Variants in CRBN observed in about 807,000 individuals in gnomAD.
CRBN encodes the protein protein cereblon.
In CRBN, 53 loss-of-function variants were observed where a neutral mutation model predicts 62.2. That is an observed-to-expected ratio of 0.85 (90% CI 0.68 to 1.07). CRBN has a LOEUF of 1.07. Among genes scored for constraint, CRBN ranks in the 50% least tolerant of loss-of-function variants. The pLI, the probability that CRBN is intolerant of heterozygous loss-of-function variation, is 0.00. For missense variants in CRBN, 616 were observed against 531.1 expected (o/e 1.16, Z -1.57); for synonymous variants, 208 against 176.1 (o/e 1.18, Z -1.43).
At chr3:3,174,380 C>T in intron 2 of CRBN, 119 bp from the exon 3 acceptor site, 2 of 830,098 alleles carry the variant, frequency 2.4e-6, no homozygotes, top group Non-Finnish European at 3.9e-6. Context: ...GTGGCTCACA[C>T]CTGTAATTCC....
intron 1 of CRBN, 40 bp downstream of exon 1, chr3:3,179,581 G>C (rs751765409): frequency 2.5e-6 from 4 of 1,595,574 alleles, no homozygotes; most frequent in Middle Eastern, 1.7e-4. Flanking sequence ...TCCGAGCCTC[G>C]CCCCACTCCC....
chr3:3,175,395 G>A, intron 1 of CRBN, 126 bp from the exon 2 acceptor site: 1 of 715,958 alleles, frequency 1.4e-6, no homozygotes, highest in Non-Finnish European at 2.4e-6. Flanking sequence ...ACAGCACCGT[G>A]AAGAGGGAGC....
rs758499422 is a variant in CRBN, at chr3:3,179,573, C to G, written c.67+48G>C. On this transcript the variant is annotated intron_variant, in intron 1 of 10. Coordinates refer to ENST00000231948, the MANE Select transcript of CRBN (RefSeq NM_016302.4). ...GGCCCAGCTGCACCGCTAGCGGCTC[C>G]GAGCCTCGCCCCACTCCCGACTACA... 5.7e-6 allele frequency: 9 copies of G among 1,583,070 alleles called. No individual in the cohort carries two copies. In the Admixed American group the frequency reaches 1.3e-4, roughly 24 times the overall value.
chr3:3,155,135 A>G, intron 6 of CRBN: 1 of 395,656 alleles, frequency 2.5e-6, no homozygotes. Context: ...TCTGCCTTCT[A>G]TTAGGCCATT....
intron 3 of CRBN, chr3:3,173,770 A>G: frequency 2.3e-6 from 1 of 433,600 alleles, no homozygotes; most frequent in East Asian, 4.4e-5. Flanking sequence ...AGTTATTGAA[A>G]CTAAGATTCC....
chr3:3,151,126 A>ACTT, intron 10 of CRBN, 81 bp from the exon 11 acceptor site: 1 of 1,421,460 alleles, frequency 7.0e-7, no homozygotes, highest in African/African-American at 1.4e-5. Context: ...ATGAAGACAG[A>ACTT]CTTTAGAGGC....
chr3:3,152,429 A>G, intron 10 of CRBN, 27 bp downstream of exon 10: 1 of 1,602,722 alleles, frequency 6.2e-7, no homozygotes, highest in South Asian at 1.1e-5. Flanking sequence ...AAAAGAAAAA[A>G]AAAAGCAACC....
chr3:3,179,526 G>T, intron 1 of CRBN, 95 bp downstream of exon 1: 1 of 1,260,176 alleles, frequency 7.9e-7, no homozygotes, highest in Non-Finnish European at 1.1e-6. Context: ...GCCAGGCTTG[G>T]CGCCCCCACG....
chr3:3,167,242 G>A (rs1419567292), intron 5 of CRBN, among the ~76,000 whole-genome samples: 1 of 152,050 alleles, frequency 6.6e-6, no homozygotes. Flanking sequence ...TTGGAAGAAG[G>A]AAAACAGACT....
intron 5 of CRBN, among the ~76,000 whole-genome samples, chr3:3,167,230 G>A (rs1707385456): frequency 6.6e-6 from 1 of 152,066 alleles, no homozygotes; most frequent in African/African-American, 2.4e-5. Context: ...TTTCTCTCTG[G>A]TTTGGAAGAA....
chr3:3,162,325 TGAGGAGGATTTTTACTGTAGGGG>T (rs1707175016), intron 5 of CRBN, among the ~76,000 whole-genome samples: 2 of 152,068 alleles, frequency 1.3e-5, no homozygotes, highest in Non-Finnish European at 2.9e-5. Flanking sequence ...TCTTTTTTTT[TGAGGAGGATTTTTACTGTAGGGG>T]GATTCTCAAA....
chr3:3,155,305 A>G (rs1459206819), intron 6 of CRBN: 1 of 158,312 alleles, frequency 6.3e-6, no homozygotes, highest in Non-Finnish European at 1.4e-5. Flanking sequence ...AAAAGCTGCT[A>G]AAGAGCGGAG....
rs1243835959 is a variant in CRBN at position 3,150,067 on chromosome 3, C to G, written c.*798G>C. 6.6e-6 allele frequency: 1 copy of G among 152,072 alleles called. No individual in the cohort carries two copies. The highest frequency in any genetic ancestry group is 1.5e-5 in the Non-Finnish European group (1 of 67,984). The allele number at this position is 152,072 out of a possible 1,614,324, so 9.4% of individuals were successfully genotyped here. ...CAGATTTTCTTCAATTTACATTGAA[C>G]AAAATAATACAGTATCAAGTTTAGT... On this transcript the variant is annotated 3_prime_UTR_variant, in exon 11 of 11. Coordinates refer to ENST00000231948, the MANE Select transcript of CRBN (RefSeq NM_016302.4).
chr3:3,151,177 A>C (rs1706516673), intron 10 of CRBN, 132 bp from the exon 11 acceptor site: 1 of 934,480 alleles, frequency 1.1e-6, no homozygotes, highest in African/African-American at 1.7e-5. Context: ...GATTTGATCC[A>C]TACAGTTCCC....
intron 7 of CRBN, 162 bp from the exon 8 acceptor site, chr3:3,154,237 C>T (rs573127277): frequency 3.3e-6 from 2 of 611,028 alleles, no homozygotes; most frequent in South Asian, 3.8e-5. Context: ...CAAAGATACA[C>T]TTTTCAGAAG....
intron 5 of CRBN, among the ~76,000 whole-genome samples, chr3:3,160,546 C>T (rs1483509014): frequency 2.0e-5 from 3 of 152,164 alleles, no homozygotes; most frequent in Non-Finnish European, 4.4e-5. Flanking sequence ...AATGACCAGT[C>T]TTTCTGAGGA....
At chr3:3,179,183 G>A (rs1376132281) in intron 1 of CRBN, among the ~76,000 whole-genome samples, 1 of 152,182 alleles carries the variant, frequency 6.6e-6, no homozygotes, top group African/African-American at 2.4e-5. Flanking sequence ...ATTAAAAGGC[G>A]ACATGCATGC....
rs1707101476 is a variant in CRBN at position 3,160,646 on chromosome 3, T to TTTCA, written c.688-4366_688-4365insTGAA. 3.3e-5 allele frequency among the ~76,000 whole-genome samples: 5 copies of TTTCA among 152,348 alleles called. 1 individual carries two copies. In the South Asian group the frequency reaches 1.0e-3, roughly 32 times the overall value. Reference sequence around the variant, plus strand: ...AATGTTACTGTTCTTACGATTATTATCCTGGAACAAGGTGAAACAGATTCT... The same window carrying TTTCA: ...AATGTTACTGTTCTTACGATTATTATTTCACCTGGAACAAGGTGAAACAGATTCT... On this transcript the variant is annotated intron_variant, in intron 5 of 10. Coordinates refer to ENST00000231948, the MANE Select transcript of CRBN (RefSeq NM_016302.4).
In CRBN at chr3:3,150,831, A is replaced by ATTTG. The variant is rs1344122862; in HGVS notation, c.*30_*33dup. ...CAAAGCAGATCTTAGAATATAACCA[A>ATTTG]TTTGTTAGATAACTTTATCTCTATC... On this transcript the variant is annotated 3_prime_UTR_variant, in exon 11 of 11. Coordinates refer to ENST00000231948, the MANE Select transcript of CRBN (RefSeq NM_016302.4). The ATTTG allele has an allele frequency of 1.9e-6, 3 of 1,545,358 alleles. No individual in the cohort carries two copies. Among genetic ancestry groups the ATTTG allele is most frequent in the African/African-American group, 1.4e-5 (1 of 69,510 alleles).
Sources: gnomAD v4.1 joint callset for allele counts (sites outside exome capture counted in the v4.1 genomes callset) on GRCh38, gnomAD v4.1.1 for gene constraint, MANE v1.5 for transcripts, NCBI Gene and HGNC (gene_info 2026-07-23, HGNC 2026-07-21) for gene names.